KCNIP1: variants seen among roughly 807,000 people sequenced by gnomAD.
The protein encoded by KCNIP1 is potassium voltage-gated channel interacting protein 1, also known as A-type potassium channel modulatory protein KCNIP1.
Under a neutral mutation model 33.0 loss-of-function variants are expected in KCNIP1, and 18 were observed. The observed-to-expected ratio is 0.55, with a 90% CI of 0.38 to 0.81. The LOEUF is 0.81. KCNIP1 is among the 30% of genes least tolerant of loss of function. KCNIP1 has a pLI of 0.00. For missense variants in KCNIP1, 238 were observed against 271.6 expected, an observed-to-expected ratio of 0.88 and a Z score of 0.87; for synonymous variants, 93 against 98.3, an observed-to-expected ratio of 0.95 and a Z score of 0.32.
intron 1 of KCNIP1, among the ~76,000 whole-genome samples, chr5:170,570,934 CATT>C: frequency 6.6e-6 from 1 of 152,360 alleles, no homozygotes; most frequent in Non-Finnish European, 1.5e-5. Flanking sequence ...AGGTATGTGT[CATT>C]ATCCTGATTT....
At chr5:170,405,520 A>T (rs2656844) in intron 1 of KCNIP1, among the ~76,000 whole-genome samples, 1 of 152,056 alleles carries the variant, frequency 6.6e-6, no homozygotes, top group African/African-American at 2.4e-5. Context: ...AGGGATTCTC[A>T]GCAGCAGCCT....
intron 1 of KCNIP1, among the ~76,000 whole-genome samples, chr5:170,462,308 A>G (rs1315699633): frequency 6.6e-6 from 1 of 151,776 alleles, no homozygotes; most frequent in Non-Finnish European, 1.5e-5. Flanking sequence ...ATCATCAAAA[A>G]TTGGGCTAAG....
intron 1 of KCNIP1, among the ~76,000 whole-genome samples, chr5:170,623,107 G>A (rs573410819): frequency 6.6e-6 from 1 of 152,368 alleles, no homozygotes; most frequent in South Asian, 2.1e-4. Flanking sequence ...TGACAGGAGC[G>A]GAGCTCAGGC....
intron 1 of KCNIP1, among the ~76,000 whole-genome samples, chr5:170,598,916 T>C (rs928529844): frequency 5.3e-5 from 8 of 149,816 alleles, no homozygotes; most frequent in Non-Finnish European, 1.2e-4. Flanking sequence ...TGTGTGTGTG[T>C]GTGTGTGTGT....
chr5:170,550,929 T>A (rs1185797321), intron 1 of KCNIP1, among the ~76,000 whole-genome samples: 1 of 152,190 alleles, frequency 6.6e-6, no homozygotes, highest in Non-Finnish European at 1.5e-5. Context: ...CTTAAGCTCA[T>A]CCTTTAATTT....
rs574409993 is a variant in KCNIP1 at position 170,694,735 on chromosome 5, G to A, written c.62-24023G>A. On this transcript the variant is annotated intron_variant, in intron 1 of 7. Transcript: ENST00000328939. The stretch of plus-strand genomic sequence containing the variant: ...TCCTCTCGACACCCAGAATCACAAA[G>A]CATGCCTGAAAGCGTCACACATATA... Among the ~76,000 whole-genome samples, 175 of 152,240 alleles carry A rather than the reference G, an allele frequency of 1.1e-3. 1 individual carries two copies. The highest frequency in any genetic ancestry group is 1.9e-3 in the Non-Finnish European group (131 of 68,022).
intron 1 of KCNIP1, chr5:170,561,180 A>G (rs1561687567): frequency 6.6e-6 from 3 of 452,584 alleles, no homozygotes; most frequent in East Asian, 1.4e-4. Flanking sequence ...TGAAACACCC[A>G]TAACATTTAA....
chr5:170,711,818 T>C (rs1763455648), intron 1 of KCNIP1, among the ~76,000 whole-genome samples: 1 of 152,186 alleles, frequency 6.6e-6, no homozygotes, highest in South Asian at 2.1e-4. Context: ...TCACGTGGAA[T>C]ACAGGTCAGG....
intron 1 of KCNIP1, among the ~76,000 whole-genome samples, chr5:170,474,952 T>C (rs1474926306): frequency 6.6e-6 from 1 of 152,232 alleles, no homozygotes. Context: ...TTTTATTTCC[T>C]TATTTGTCCC....
intron 1 of KCNIP1, among the ~76,000 whole-genome samples, chr5:170,637,383 T>C (rs1219629901): frequency 6.6e-6 from 1 of 151,946 alleles, no homozygotes; most frequent in Non-Finnish European, 1.5e-5. Flanking sequence ...ACTCTTTGAG[T>C]CCATTCTTCA....
chr5:170,430,767 GT>G lies in KCNIP1; in HGVS notation c.88+76804del, dbSNP rs1221175947. 2.0e-5 allele frequency among the ~76,000 whole-genome samples: 3 copies of G among 152,176 alleles called. No homozygotes were observed. In the East Asian group the frequency reaches 5.8e-4, roughly 29 times the overall value. On this transcript the variant is annotated intron_variant, in intron 1 of 7. Coordinates refer to the KCNIP1 transcript ENST00000377360. Reference sequence around the variant, plus strand: ...ATGTGAGGTCATACGCAGTTCCTGGGTCACAGAGGTGACCCACGAATGGTAG... The same window carrying G: ...ATGTGAGGTCATACGCAGTTCCTGGGCACAGAGGTGACCCACGAATGGTAG...
At chr5:170,666,517 T>C (rs989587250) in intron 1 of KCNIP1, among the ~76,000 whole-genome samples, 1 of 152,206 alleles carries the variant, frequency 6.6e-6, no homozygotes, top group African/African-American at 2.4e-5. Context: ...GTTTTGTTTA[T>C]AATTATAAGG....
At chr5:170,398,428 G>A (rs1020291347) in intron 1 of KCNIP1, among the ~76,000 whole-genome samples, 5 of 152,158 alleles carry the variant, frequency 3.3e-5, no homozygotes, top group Non-Finnish European at 7.3e-5. Context: ...CTCACTGCTG[G>A]TAGAGGAGAC....
intron 1 of KCNIP1, among the ~76,000 whole-genome samples, chr5:170,685,219 C>G (rs544419142): frequency 6.6e-6 from 1 of 151,970 alleles, no homozygotes; most frequent in African/African-American, 2.4e-5. Flanking sequence ...AGAACACATT[C>G]TGTGGTCAGA....
intron 1 of KCNIP1, among the ~76,000 whole-genome samples, chr5:170,622,779 G>A (rs977917188): frequency 6.6e-6 from 1 of 152,160 alleles, no homozygotes; most frequent in Admixed American, 6.5e-5. Context: ...AGCCTTTGGA[G>A]GGAGCACAGC....
chr5:170,581,140 T>C (rs1757780618), intron 1 of KCNIP1, among the ~76,000 whole-genome samples: 1 of 152,204 alleles, frequency 6.6e-6, no homozygotes, highest in Non-Finnish European at 1.5e-5. Flanking sequence ...GCAAAAGCCA[T>C]AGGATCACTT....
At chr5:170,688,093 A>G (rs1762603198) in intron 1 of KCNIP1, among the ~76,000 whole-genome samples, 1 of 152,228 alleles carries the variant, frequency 6.6e-6, no homozygotes, top group South Asian at 2.1e-4. Flanking sequence ...TACTTCATAT[A>G]CATTATTTCA....
At chr5:170,367,886 C>T (rs1222266985) in intron 1 of KCNIP1, among the ~76,000 whole-genome samples, 3 of 152,212 alleles carry the variant, frequency 2.0e-5, no homozygotes, top group African/African-American at 7.2e-5. Context: ...CAAATCATCA[C>T]AGCTGTGCAT....
intron 1 of KCNIP1, among the ~76,000 whole-genome samples, chr5:170,562,087 A>C (rs887525501): frequency 6.6e-6 from 1 of 152,208 alleles, no homozygotes; most frequent in African/African-American, 2.4e-5. Flanking sequence ...TTACATTTTT[A>C]AAGACAGACA....
Sources: gnomAD v4.1 joint callset for allele counts (sites outside exome capture counted in the v4.1 genomes callset) on GRCh38, gnomAD v4.1.1 for gene constraint, MANE v1.5 for transcripts, NCBI Gene and HGNC (gene_info 2026-07-23, HGNC 2026-07-21) for gene names.